The following SLC25A48 variants were observed in gnomAD, a reference collection of about 807,000 sequenced individuals.
The protein encoded by SLC25A48 is solute carrier family 25 member 48.
SLC25A48 carries 29 observed loss-of-function variants against 32.2 expected under a neutral mutation model. The observed-to-expected ratio is 0.90, with a 90% CI of 0.67 to 1.23. The LOEUF is 1.23. Among genes scored for constraint, SLC25A48 ranks in the 50% most tolerant of loss-of-function variants. The pLI is 0.00. For synonymous variants in SLC25A48, 164 were observed against 172.3 expected, an observed-to-expected ratio of 0.95 and a Z score of 0.38; for missense variants, 399 against 422.7, an observed-to-expected ratio of 0.94 and a Z score of 0.49.
At chr5:135,845,814 G>A (rs954742751) in intron 2 of SLC25A48, among the ~76,000 whole-genome samples, 19 of 152,222 alleles carry the variant, frequency 1.2e-4, no homozygotes, top group African/African-American at 4.3e-4. Context: ...GGAAGAACCC[G>A]GCTACAAGGG....
chr5:135,823,471 A>T (rs1197422752), intron 4 of SLC25A48, among the ~76,000 whole-genome samples: 11 of 152,142 alleles, frequency 7.2e-5, no homozygotes, highest in African/African-American at 2.2e-4. Context: ...GTTCCTGGCC[A>T]AGGTGTTCTC....
chr5:135,771,331 A>G (rs1756404596), intron 3 of SLC25A48, among the ~76,000 whole-genome samples: 1 of 151,678 alleles, frequency 6.6e-6, no homozygotes, highest in Non-Finnish European at 1.5e-5. Flanking sequence ...GAGGGTGTAC[A>G]TCCCCCTGTG....
chr5:135,886,677 A>T (rs1308811169), intron 7 of SLC25A48, among the ~76,000 whole-genome samples: 2,040 of 69,292 alleles, frequency 0.029, 163 homozygotes, highest in African/African-American at 0.13. Context: ...TGTGTGTGAG[A>T]GAGAGAGAGA....
At chr5:135,810,798 A>G (rs1757574874) in intron 3 of SLC25A48, among the ~76,000 whole-genome samples, 1 of 152,152 alleles carries the variant, frequency 6.6e-6, no homozygotes, top group African/African-American at 2.4e-5. Flanking sequence ...TTATTAGGGA[A>G]CGTCTTTTCC....
At chr5:135,879,708 G>T (rs1031460217) in intron 6 of SLC25A48, among the ~76,000 whole-genome samples, 2 of 152,040 alleles carry the variant, frequency 1.3e-5, no homozygotes, top group Admixed American at 1.3e-4. Context: ...GTAGGTGTTT[G>T]CCTGGCCCAA....
chr5:135,697,038 T>A (rs997748204), intron 3 of SLC25A48, among the ~76,000 whole-genome samples: 4 of 152,194 alleles, frequency 2.6e-5, no homozygotes, highest in Non-Finnish European at 5.9e-5. Context: ...AAAGCTCTAT[T>A]TAAATTTCTT....
chr5:135,588,820 T>G (rs938775137), intron 1 of SLC25A48, among the ~76,000 whole-genome samples: 2 of 152,116 alleles, frequency 1.3e-5, no homozygotes, highest in African/African-American at 4.8e-5. Context: ...AAGAGGGTAT[T>G]GCGGAGAGCC....
chr5:135,582,260 C>T (rs570604515), intron 1 of SLC25A48, among the ~76,000 whole-genome samples: 5 of 152,228 alleles, frequency 3.3e-5, no homozygotes, highest in African/African-American at 7.2e-5. Flanking sequence ...AGGCGTTGTA[C>T]GAGGTGCTGG....
chr5:135,886,217 G>A (rs1030432048), intron 7 of SLC25A48, among the ~76,000 whole-genome samples: 1 of 152,054 alleles, frequency 6.6e-6, no homozygotes, highest in Non-Finnish European at 1.5e-5. Flanking sequence ...GCTCCCTGCT[G>A]GATACTTGTT....
At chr5:135,588,913 T>C (rs1751439517) in intron 1 of SLC25A48, among the ~76,000 whole-genome samples, 1 of 151,908 alleles carries the variant, frequency 6.6e-6, no homozygotes, top group Non-Finnish European at 1.5e-5. Context: ...CCATTTCAAC[T>C]CCCATTTCAC....
At chr5:135,678,283 T>A (rs561775063) in intron 3 of SLC25A48, among the ~76,000 whole-genome samples, 1 of 152,200 alleles carries the variant, frequency 6.6e-6, no homozygotes, top group Non-Finnish European at 1.5e-5. Context: ...TTCTGAAATG[T>A]TTTTATTCTG....
intron 3 of SLC25A48, among the ~76,000 whole-genome samples, chr5:135,762,902 ATG>A (rs1756098055): frequency 6.6e-6 from 1 of 151,940 alleles, no homozygotes; most frequent in Admixed American, 6.6e-5. Flanking sequence ...GAGTGTGTGA[ATG>A]TGTGTTTGTG....
chr5:135,648,204 C>T (rs1400451076), intron 3 of SLC25A48, among the ~76,000 whole-genome samples: 2 of 152,204 alleles, frequency 1.3e-5, no homozygotes, highest in East Asian at 3.9e-4. Context: ...TGCTCTTGGG[C>T]TGCCTCTGGG....
At chr5:135,671,572 G>A (rs992776294) in intron 3 of SLC25A48, 3 of 152,148 alleles carry the variant, frequency 2.0e-5, no homozygotes, top group African/African-American at 4.8e-5. Context: ...TCAACCAGCC[G>A]AGGGTCGCTG....
chr5:135,739,864 T>C (rs549581971), intron 3 of SLC25A48, among the ~76,000 whole-genome samples: 1 of 152,138 alleles, frequency 6.6e-6, no homozygotes, highest in Non-Finnish European at 1.5e-5. Context: ...TTTCCTTCTG[T>C]ATATTGCAAA....
chr5:135,766,360 G>C (rs1482049814), intron 3 of SLC25A48, among the ~76,000 whole-genome samples: 1 of 151,628 alleles, frequency 6.6e-6, no homozygotes, highest in Non-Finnish European at 1.5e-5. Flanking sequence ...ATCAAGGGGG[G>C]GGGAAGAATG....
At chr5:135,725,886 A>AG (rs1755077693) in intron 3 of SLC25A48, among the ~76,000 whole-genome samples, 1 of 151,804 alleles carries the variant, frequency 6.6e-6, no homozygotes, top group African/African-American at 2.4e-5. Context: ...GTTTTCAAAA[A>AG]AAAAAACTCC....
rs1386746232 is a variant in SLC25A48 at position 135,879,938 on chromosome 5, C to T, written c.814-30C>T. On this transcript the variant is annotated intron_variant, in intron 6 of 7. Transcript: ENST00000681962. Reference sequence around the variant, plus strand: ...GGCCCTGCAGAGAGTGTGGGTCAGTCCCCTGCAATAACCTGGCCCCTGTGC... The same window carrying T: ...GGCCCTGCAGAGAGTGTGGGTCAGTTCCCTGCAATAACCTGGCCCCTGTGC... The T allele has an allele frequency of 3.3e-6, 5 of 1,535,618 alleles. No homozygotes were observed. In the East Asian group the frequency reaches 9.8e-5, roughly 30 times the overall value.
In SLC25A48 at chr5:135,862,708, A is replaced by G. The variant is rs1299272356; in HGVS notation, c.422-8753A>G. 2.6e-5 allele frequency among the ~76,000 whole-genome samples: 4 copies of G among 152,182 alleles called. No individual in the cohort carries two copies. In the South Asian group the frequency reaches 6.2e-4, roughly 24 times the overall value. On this transcript the variant is annotated intron_variant, in intron 4 of 7. Transcript: ENST00000681962. Reference sequence around the variant, plus strand: ...CTACGTAGCATTTAGAGATGGGGACATGGGATGGCGAAGTGTTTTAATACT... The same window carrying G: ...CTACGTAGCATTTAGAGATGGGGACGTGGGATGGCGAAGTGTTTTAATACT...
Sources: gnomAD v4.1 joint callset for allele counts (sites outside exome capture counted in the v4.1 genomes callset) on GRCh38, gnomAD v4.1.1 for gene constraint, MANE v1.5 for transcripts, NCBI Gene and HGNC (gene_info 2026-07-23, HGNC 2026-07-21) for gene names.